Variants in ARHGEF38 observed in about 807,000 individuals in gnomAD.
The protein encoded by ARHGEF38 is Rho guanine nucleotide exchange factor 38, also known as Rho guanine nucleotide exchange factor (GEF) 38.
In ARHGEF38, 79 loss-of-function variants were observed where a neutral mutation model predicts 79.9. The observed-to-expected ratio is 0.99, with a 90% CI of 0.82 to 1.19. The LOEUF (loss-of-function observed/expected upper bound fraction) is 1.19, where lower values mean the gene tolerates loss of function less well. Among genes scored for constraint, ARHGEF38 ranks in the 50% most tolerant of loss-of-function variants. ARHGEF38 has a pLI of 0.00. For synonymous variants in ARHGEF38, 366 were observed against 328.3 expected, an observed-to-expected ratio of 1.11 and a Z score of -1.24; for missense variants, 962 against 907.2, an observed-to-expected ratio of 1.06 and a Z score of -0.78.
At position 105,616,854 on chromosome 4, in the gene ARHGEF38, G is replaced by A. The variant is rs576913149; in HGVS notation, c.508+3347G>A. Among the ~76,000 whole-genome samples, 89 of 152,292 alleles carry A rather than the reference G, an allele frequency of 5.8e-4. 1 individual carries two copies. Among genetic ancestry groups the A allele is most frequent in the Admixed American group, 1.4e-3 (21 of 15,294 alleles). ...TTAAAAGACTGTGCTCTAAGCAAGT[G>A]ATTAAATGCATGCAGCTGCTTAAGG... On this transcript the variant is annotated intron_variant, in intron 3 of 13. Coordinates refer to ENST00000420470, the MANE Select transcript of ARHGEF38 (RefSeq NM_001242729.2).
intron 2 of ARHGEF38, among the ~76,000 whole-genome samples, chr4:105,599,692 G>C (rs961031368): frequency 5.3e-5 from 8 of 152,116 alleles, no homozygotes; most frequent in African/African-American, 1.9e-4. Context: ...TATCAGTACA[G>C]GGCGATAAAT....
intron 9 of ARHGEF38, among the ~76,000 whole-genome samples, chr4:105,656,561 C>T (rs1378478209): frequency 6.6e-6 from 1 of 152,016 alleles, no homozygotes; most frequent in Non-Finnish European, 1.5e-5. Flanking sequence ...GTAAGTTACT[C>T]TGGGTAATAT....
chr4:105,587,911 T>C (rs531895390), intron 1 of ARHGEF38, among the ~76,000 whole-genome samples: 2 of 152,328 alleles, frequency 1.3e-5, no homozygotes, highest in East Asian at 1.9e-4. Context: ...TGGGTCTGGA[T>C]TGTCCAAAGA....
Position 105,576,733 on chromosome 4 carries a change from AT to A in ARHGEF38, c.197-12514del, listed in dbSNP as rs563776032. Reference sequence around the variant, plus strand: ...TTGAATAGGAATGGTAAAAGTGGGCATCCTTGTCTTTTTCCAGTTCACAGGA... The same window carrying A: ...TTGAATAGGAATGGTAAAAGTGGGCACCTTGTCTTTTTCCAGTTCACAGGA... On this transcript the variant is annotated intron_variant, in intron 1 of 13. Coordinates refer to ENST00000420470, the MANE Select transcript of ARHGEF38 (RefSeq NM_001242729.2). Among the ~76,000 whole-genome samples the A allele has an allele frequency of 2.0e-3, 306 of 152,284 alleles. 3 individuals carry two copies. The highest frequency in any genetic ancestry group is 7.1e-3 in the African/African-American group (294 of 41,560).
intron 13 of ARHGEF38, among the ~76,000 whole-genome samples, chr4:105,672,022 G>A (rs1281167183): frequency 6.6e-6 from 1 of 152,032 alleles, no homozygotes; most frequent in African/African-American, 2.4e-5. Flanking sequence ...TACTCAGGGG[G>A]TATCTTTGGG....
intron 1 of ARHGEF38, among the ~76,000 whole-genome samples, chr4:105,567,073 G>C (rs1216916983): frequency 6.6e-5 from 10 of 152,136 alleles, no homozygotes; most frequent in Admixed American, 2.6e-4. Flanking sequence ...CATGAGTTCA[G>C]TTGTTTTAAT....
chr4:105,573,777 G>A (rs182676019), intron 1 of ARHGEF38, among the ~76,000 whole-genome samples: 1 of 150,976 alleles, frequency 6.6e-6, no homozygotes. Context: ...TTGGAATTTT[G>A]ATAAAGATTG....
rs138832734 is a variant in ARHGEF38, at chr4:105,648,653, C to T, written c.979C>T (p.Leu327=). The change falls in exon 7 of 14, where the codon CTG becomes TTG. Residue 327 remains leucine, a synonymous_variant. Coordinates refer to ENST00000420470, the MANE Select transcript of ARHGEF38 (RefSeq NM_001242729.2). ...GAAATCAAAAAGAGTGACAAATCAT[C>T]TGAAGATTCTGACCAGAGGAGAATC... ...SKKSKRVTNH[L]KILTRGESQV... is the part of the protein sequence containing the mutation. 7,182 of 1,531,282 alleles carry T rather than the reference C, an allele frequency of 4.7e-3. 31 individuals carry two copies. Among genetic ancestry groups the T allele is most frequent in the Middle Eastern group, 6.0e-3 (36 of 5,960 alleles). The allele number at this position is 1,531,282 out of a possible 1,614,324, so 94.9% of individuals were successfully genotyped here. A position where few individuals can be genotyped will look rare whatever the true frequency, so the allele number is the denominator to read the frequency against.
At chr4:105,645,149 A>G (rs757357188) in intron 5 of ARHGEF38, 39 bp from the exon 6 acceptor site, 34 of 1,253,418 alleles carry the variant, frequency 2.7e-5, no homozygotes, top group Non-Finnish European at 3.0e-5. Flanking sequence ...TTAATAAAAC[A>G]TATGTTTGTG....
At chr4:105,586,435 C>T (rs567822039) in intron 1 of ARHGEF38, among the ~76,000 whole-genome samples, 3 of 152,150 alleles carry the variant, frequency 2.0e-5, no homozygotes, top group Admixed American at 1.3e-4. Context: ...CACCTTGCCC[C>T]CACAAATTTG....
chr4:105,557,274 A>T (rs967751125), intron 1 of ARHGEF38, among the ~76,000 whole-genome samples: 11 of 152,086 alleles, frequency 7.2e-5, no homozygotes, highest in Admixed American at 2.0e-4. Flanking sequence ...ATATACATGT[A>T]TGTACTTGTA....
In ARHGEF38 at chr4:105,667,340, C is replaced by T. The variant is rs2110577538; in HGVS notation, c.1888+13C>T. 2 of 1,535,244 alleles carry T rather than the reference C, an allele frequency of 1.3e-6. No individual in the cohort carries two copies. Among genetic ancestry groups the T allele is most frequent in the Non-Finnish European group, 1.7e-6 (2 of 1,146,358 alleles). ...GTGGACACAGGAAGTAAGTTTTTCCCCAGAACTACCACTCTTCTTTAAACT... is the reference window on the plus strand; with the variant it reads ...GTGGACACAGGAAGTAAGTTTTTCCTCAGAACTACCACTCTTCTTTAAACT... On this transcript the variant is annotated intron_variant, in intron 12 of 13. Coordinates refer to ENST00000420470, the MANE Select transcript of ARHGEF38 (RefSeq NM_001242729.2).
intron 11 of ARHGEF38, 113 bp from the exon 12 acceptor site, chr4:105,667,015 TA>T (rs1730774906): frequency 4.4e-6 from 4 of 916,122 alleles, no homozygotes; most frequent in Non-Finnish European, 6.4e-6. Context: ...AATAATCCTC[TA>T]AAAATATATG....
chr4:105,646,868 A>T (rs748302533), intron 6 of ARHGEF38, among the ~76,000 whole-genome samples: 4 of 152,164 alleles, frequency 2.6e-5, no homozygotes, highest in African/African-American at 4.8e-5. Flanking sequence ...GTGGTAGAAG[A>T]ATATGTGCAA....
chr4:105,580,617 T>A (rs571786442), intron 1 of ARHGEF38, among the ~76,000 whole-genome samples: 2 of 152,248 alleles, frequency 1.3e-5, no homozygotes, highest in Non-Finnish European at 2.9e-5. Flanking sequence ...GTACATGTAC[T>A]GAGCATAATT....
chr4:105,592,998 C>T (rs892280536), intron 2 of ARHGEF38, among the ~76,000 whole-genome samples: 4 of 152,092 alleles, frequency 2.6e-5, no homozygotes, highest in Admixed American at 2.0e-4. Context: ...ATTAGTTTAC[C>T]CTCCTTATGG....
chr4:105,573,109 G>A (rs1459526947), intron 1 of ARHGEF38, among the ~76,000 whole-genome samples: 1 of 152,042 alleles, frequency 6.6e-6, no homozygotes, highest in East Asian at 1.9e-4. Context: ...TGTTATTGTT[G>A]AGTTTTGGAG....
intron 11 of ARHGEF38, 103 bp from the exon 12 acceptor site, chr4:105,667,026 G>A: frequency 1.0e-6 from 1 of 957,572 alleles, no homozygotes; most frequent in East Asian, 2.6e-5. Flanking sequence ...AAAAATATAT[G>A]ACTCCTACGT....
chr4:105,561,448 T>TA (rs56827894), intron 1 of ARHGEF38: 1 of 76,704 alleles, frequency 1.3e-5, no homozygotes, highest in Non-Finnish European at 2.5e-5. Flanking sequence ...TAGAATAGAA[T>TA]GGAATAGAAT....
Sources: gnomAD v4.1 joint callset for allele counts (sites outside exome capture counted in the v4.1 genomes callset) on GRCh38, gnomAD v4.1.1 for gene constraint, MANE v1.5 for transcripts, NCBI Gene and HGNC (gene_info 2026-07-23, HGNC 2026-07-21) for gene names.